GOLM2: variants seen among roughly 807,000 people sequenced by gnomAD.
The protein encoded by GOLM2 is golgi membrane protein 2, also known as protein GOLM2.
Under a neutral mutation model 55.9 loss-of-function variants are expected in GOLM2, and 26 were observed. The ratio of observed to expected loss-of-function variants is 0.47; its 90% CI spans 0.34 to 0.65. GOLM2 has a LOEUF of 0.65. Among genes scored for constraint, GOLM2 ranks in the 30% least tolerant of loss-of-function variants. GOLM2 has a pLI of 0.01. For synonymous variants in GOLM2, 165 were observed against 194.6 expected (o/e 0.85, Z 1.27); for missense variants, 486 against 531.8 (o/e 0.91, Z 0.85).
intron 3 of GOLM2, among the ~76,000 whole-genome samples, chr15:44,329,950 G>A (rs1223089983): frequency 2.1e-5 from 3 of 140,368 alleles, no homozygotes; most frequent in African/African-American, 5.3e-5. Context: ...TCGCTCTGTC[G>A]CCCAGGCTGG....
chr15:44,406,106 A>G (rs1169931433), intron 9 of GOLM2, among the ~76,000 whole-genome samples: 5 of 152,224 alleles, frequency 3.3e-5, no homozygotes, highest in Non-Finnish European at 7.3e-5. Flanking sequence ...TAGAGTAGAA[A>G]AAAACATTAG....
chr15:44,330,111 C>T (rs1056410290), intron 3 of GOLM2, among the ~76,000 whole-genome samples: 3 of 148,442 alleles, frequency 2.0e-5, no homozygotes, highest in East Asian at 2.0e-4. Context: ...GGGCTTTCAC[C>T]GTATTAGCCA....
intron 9 of GOLM2, among the ~76,000 whole-genome samples, chr15:44,408,985 A>G (rs1166026793): frequency 6.6e-6 from 1 of 151,594 alleles, no homozygotes; most frequent in African/African-American, 2.4e-5. Flanking sequence ...CAAACAAACA[A>G]ATCCCAAAAA....
chr15:44,346,144 C>T (rs1281714745), intron 6 of GOLM2: 1 of 152,074 alleles, frequency 6.6e-6, no homozygotes, highest in Non-Finnish European at 1.5e-5. Flanking sequence ...CTCAGGTGAT[C>T]CACCCGCCTC....
intron 6 of GOLM2, among the ~76,000 whole-genome samples, chr15:44,374,840 C>G (rs994849326): frequency 2.4e-4 from 37 of 152,128 alleles, no homozygotes; most frequent in African/African-American, 8.7e-4. Context: ...GATTACAATT[C>G]AGCATGAGAT....
At chr15:44,377,882 A>G (rs1007804212) in intron 6 of GOLM2, among the ~76,000 whole-genome samples, 1 of 151,644 alleles carries the variant, frequency 6.6e-6, no homozygotes. Flanking sequence ...AATAAAAAAA[A>G]ACCCACCAGA....
chr15:44,380,536 T>C (rs2079394418), intron 7 of GOLM2, among the ~76,000 whole-genome samples: 1 of 152,132 alleles, frequency 6.6e-6, no homozygotes, highest in African/African-American at 2.4e-5. Flanking sequence ...GGATTTCTAC[T>C]GTATATCTTT....
At chr15:44,384,287 A>G (rs938229019) in intron 8 of GOLM2, among the ~76,000 whole-genome samples, 1 of 152,046 alleles carries the variant, frequency 6.6e-6, no homozygotes, top group Non-Finnish European at 1.5e-5. Flanking sequence ...CTCTCTGTCT[A>G]TGGAGTCACC....
intron 6 of GOLM2, among the ~76,000 whole-genome samples, chr15:44,350,829 C>A (rs997190246): frequency 6.6e-6 from 1 of 152,042 alleles, no homozygotes; most frequent in African/African-American, 2.4e-5. Context: ...GTATACATGA[C>A]TCAATTAATG....
chr15:44,373,186 G>A (rs1017945499), intron 6 of GOLM2, among the ~76,000 whole-genome samples: 6 of 152,146 alleles, frequency 3.9e-5, no homozygotes, highest in African/African-American at 7.2e-5. Context: ...GGCCGGGCAC[G>A]GTGGCTCACG....
intron 6 of GOLM2, among the ~76,000 whole-genome samples, chr15:44,344,295 A>G (rs973047251): frequency 6.7e-6 from 1 of 150,018 alleles, no homozygotes; most frequent in Non-Finnish European, 1.5e-5. Context: ...GTGTATATAT[A>G]TATATATATA....
chr15:44,386,806 G>T (rs566904003), intron 8 of GOLM2, among the ~76,000 whole-genome samples: 3 of 152,202 alleles, frequency 2.0e-5, no homozygotes, highest in African/African-American at 7.2e-5. Context: ...AGGAGTTCAA[G>T]GTTATGGTGA....
chr15:44,357,607 ACT>A (rs1595645601), intron 6 of GOLM2, among the ~76,000 whole-genome samples: 1 of 152,028 alleles, frequency 6.6e-6, no homozygotes, highest in South Asian at 2.1e-4. Context: ...AAGAAATAAA[ACT>A]CTCTTTGTTC....
At chr15:44,413,194 C>T in intron 9 of GOLM2, 142 bp from the exon 10 acceptor site, 2 of 550,648 alleles carry the variant, frequency 3.6e-6, no homozygotes, top group Non-Finnish European at 6.5e-6. Flanking sequence ...AGCCAAGCAA[C>T]TAAGAAATAG....
intron 8 of GOLM2, among the ~76,000 whole-genome samples, chr15:44,396,412 C>CA (rs2079527420): frequency 3.3e-5 from 5 of 152,038 alleles, no homozygotes. Flanking sequence ...GAAATGGCTA[C>CA]ATTTGCTTTC....
chr15:44,384,826 T>C (rs943182323), intron 8 of GOLM2, among the ~76,000 whole-genome samples: 2 of 151,378 alleles, frequency 1.3e-5, no homozygotes, highest in Non-Finnish European at 2.9e-5. Context: ...GGAGAATCAC[T>C]TGAACCAGGG....
intron 1 of GOLM2, among the ~76,000 whole-genome samples, chr15:44,292,056 A>G (rs2078724348): frequency 6.6e-6 from 1 of 151,956 alleles, no homozygotes; most frequent in African/African-American, 2.4e-5. Flanking sequence ...AAAGCCCACT[A>G]GTTTGGGAAA....
At chr15:44,396,831 A>G (rs2079529927) in intron 8 of GOLM2, among the ~76,000 whole-genome samples, 1 of 152,242 alleles carries the variant, frequency 6.6e-6, no homozygotes, top group Non-Finnish European at 1.5e-5. Flanking sequence ...GAATTTAAAT[A>G]TGGAAAATAA....
intron 9 of GOLM2, among the ~76,000 whole-genome samples, chr15:44,411,010 TGAC>T (rs1181088865): frequency 9.6e-5 from 14 of 146,596 alleles, no homozygotes; most frequent in African/African-American, 3.0e-4. Context: ...TTGGTTTGTT[TGAC>T]TTTTTTTTTT....
Sources: gnomAD v4.1 joint callset for allele counts (sites outside exome capture counted in the v4.1 genomes callset) on GRCh38, gnomAD v4.1.1 for gene constraint, MANE v1.5 for transcripts, NCBI Gene and HGNC (gene_info 2026-07-23, HGNC 2026-07-21) for gene names.